The following COLEC10 variants were observed in gnomAD, a reference collection of about 807,000 sequenced individuals.
COLEC10 encodes the protein collectin-10.
A neutral mutation model predicts 28.4 loss-of-function variants in COLEC10; 22 were observed. That is an observed-to-expected ratio of 0.78 (90% CI 0.55 to 1.11). The LOEUF is 1.11. COLEC10 is among the 50% of genes least tolerant of loss of function. The probability of loss-of-function intolerance (pLI) is 0.00; values close to 1 mark genes in which losing one functional copy is unlikely to be tolerated. For missense variants in COLEC10, 361 were observed against 344.1 expected (o/e 1.05, Z -0.39); for synonymous variants, 125 against 116.1 (o/e 1.08, Z -0.49).
chr8:119,003,185 T>C (rs1028437895), intron 1 of COLEC10, among the ~76,000 whole-genome samples: 8 of 152,174 alleles, frequency 5.3e-5, no homozygotes, highest in African/African-American at 1.9e-4. Flanking sequence ...TATTTGACTA[T>C]GTTTTTCAAC....
At chr8:119,006,966 G>A (rs1301555805) in intron 1 of COLEC10, among the ~76,000 whole-genome samples, 1 of 152,080 alleles carries the variant, frequency 6.6e-6, no homozygotes, top group Admixed American at 6.6e-5. Flanking sequence ...AATGTAGGCA[G>A]TGGTGATATA....
At chr8:119,096,319 C>G (rs1769379510) in intron 3 of COLEC10, among the ~76,000 whole-genome samples, 1 of 152,178 alleles carries the variant, frequency 6.6e-6, no homozygotes, top group African/African-American at 2.4e-5. Flanking sequence ...TGGCCAGGTA[C>G]AGTAGCTGAC....
intron 2 of COLEC10, among the ~76,000 whole-genome samples, chr8:119,043,118 G>A (rs1210756741): frequency 6.6e-6 from 1 of 152,104 alleles, no homozygotes; most frequent in African/African-American, 2.4e-5. Context: ...AAGCAGATAA[G>A]GCATATCATT....
intron 2 of COLEC10, among the ~76,000 whole-genome samples, chr8:119,018,420 G>T (rs534091751): frequency 6.6e-6 from 1 of 152,266 alleles, no homozygotes; most frequent in East Asian, 1.9e-4. Flanking sequence ...CAAGGGGAAA[G>T]GTTCCCATCA....
At chr8:119,080,784 T>C in intron 1 of COLEC10, among the ~76,000 whole-genome samples, 1 of 152,136 alleles carries the variant, frequency 6.6e-6, no homozygotes, top group South Asian at 2.1e-4. Flanking sequence ...ACATCATTAA[T>C]AGCTTAGTAT....
At chr8:119,049,897 A>G (rs553625383) in intron 2 of COLEC10, among the ~76,000 whole-genome samples, 4 of 152,256 alleles carry the variant, frequency 2.6e-5, no homozygotes, top group African/African-American at 9.6e-5. Flanking sequence ...AATTTTCCCT[A>G]TTTTGGGGGG....
intron 2 of COLEC10, among the ~76,000 whole-genome samples, chr8:119,035,901 C>A (rs900372326): frequency 6.6e-6 from 1 of 152,112 alleles, no homozygotes; most frequent in Non-Finnish European, 1.5e-5. Context: ...TCAAGTTTCT[C>A]AAGTTATGCT....
In COLEC10 at chr8:119,091,201, T is replaced by A. The variant is rs200831321; in HGVS notation, c.273T>A (p.Thr91=). The A allele has an allele frequency of 3.7e-6, 6 of 1,612,388 alleles. No homozygotes were observed. The highest frequency in any genetic ancestry group is 5.1e-6 in the Non-Finnish European group (6 of 1,179,106). The change falls in exon 3 of 6, where the codon ACT becomes ACA. Residue 91 remains threonine, a synonymous_variant. Coordinates refer to ENST00000332843, the MANE Select transcript of COLEC10 (RefSeq NM_006438.5). ...DMGDQGNIGK[T]GPIGKKGDKG... is the part of the protein sequence containing the mutation. The stretch of plus-strand genomic sequence containing the variant: ...GAGATCAGGGCAATATTGGCAAGAC[T>A]GGGCCCATTGGGAAGAAGGGTAAGT...
At chr8:119,013,915 A>C (rs1375064850) in intron 2 of COLEC10, among the ~76,000 whole-genome samples, 1 of 150,864 alleles carries the variant, frequency 6.6e-6, no homozygotes, top group African/African-American at 2.5e-5. Flanking sequence ...ATTTTAAAGC[A>C]ATAATGTATT....
At chr8:118,981,323 A>G in the COLEC10 span, among the ~76,000 whole-genome samples, 10 of 152,220 alleles carry the variant, frequency 6.6e-5, no homozygotes, top group African/African-American at 1.7e-4. Flanking sequence ...TATCCTTTAC[A>G]TTACTGCAAT....
At chr8:119,102,423 C>T (rs916090897) in intron 4 of COLEC10, 22 bp downstream of exon 4, 24 of 1,573,944 alleles carry the variant, frequency 1.5e-5, no homozygotes, top group Non-Finnish European at 2.1e-5. Context: ...TCAATGTTCT[C>T]TTTGATTTCT....
At chr8:119,073,908 T>C (rs947843454) in intron 1 of COLEC10, among the ~76,000 whole-genome samples, 1 of 150,978 alleles carries the variant, frequency 6.6e-6, no homozygotes, top group African/African-American at 2.4e-5. Context: ...CATAGACTTT[T>C]ATATATGTAT....
At chr8:119,029,620 A>G (rs903460645) in intron 2 of COLEC10, among the ~76,000 whole-genome samples, 1 of 152,038 alleles carries the variant, frequency 6.6e-6, no homozygotes, top group Non-Finnish European at 1.5e-5. Flanking sequence ...CTAATAAAGT[A>G]CCTCTCATTG....
rs530106405 is a variant in COLEC10 at position 119,070,068 on chromosome 8, A to G, written c.148+2639A>G. ...AGTCATAGAATATATTGACCAATAT[A>G]CAGATATTATTTTTAAAGTCTTATT... is the stretch of plus-strand genomic sequence containing the variant. On this transcript the variant is annotated intron_variant, in intron 1 of 5. Transcript: ENST00000332843. 1.4e-4 allele frequency among the ~76,000 whole-genome samples: 21 copies of G among 152,244 alleles called. No homozygotes were observed. In the South Asian group the frequency reaches 1.5e-3, roughly 11 times the overall value.
chr8:119,017,565 G>A (rs1814016562), intron 2 of COLEC10, among the ~76,000 whole-genome samples: 1 of 152,132 alleles, frequency 6.6e-6, no homozygotes, highest in African/African-American at 2.4e-5. Context: ...ATGTGATTGA[G>A]GAACACAGCA....
chr8:118,973,048 T>C, the COLEC10 span, among the ~76,000 whole-genome samples: 2 of 151,854 alleles, frequency 1.3e-5, no homozygotes, highest in African/African-American at 2.4e-5. Flanking sequence ...TTACCTCCCA[T>C]TGGGTCCCTC....
chr8:118,967,640 G>A, the COLEC10 span, among the ~76,000 whole-genome samples: 3 of 152,036 alleles, frequency 2.0e-5, no homozygotes, highest in Non-Finnish European at 2.9e-5. Flanking sequence ...GTTATTTCAG[G>A]CTGCTCAGAG....
intron 1 of COLEC10, among the ~76,000 whole-genome samples, chr8:119,086,818 C>T (rs1368178817): frequency 2.0e-5 from 3 of 152,168 alleles, no homozygotes; most frequent in Admixed American, 1.3e-4. Flanking sequence ...ATGAGCAGGA[C>T]GCGCATCATT....
At chr8:118,963,090 G>C in the COLEC10 span, among the ~76,000 whole-genome samples, 1 of 151,960 alleles carries the variant, frequency 6.6e-6, no homozygotes, top group Non-Finnish European at 1.5e-5. Flanking sequence ...AGGGAGCCGG[G>C]GTCTGGCAAG....
Sources: allele counts gnomAD v4.1 joint callset (sites outside exome capture counted in the v4.1 genomes callset), GRCh38; gene constraint gnomAD v4.1.1; transcripts MANE v1.5; gene names NCBI Gene and HGNC (gene_info 2026-07-23, HGNC 2026-07-21).